Variants in WWOX observed in about 807,000 individuals in gnomAD.
The protein encoded by WWOX is WW domain containing oxidoreductase, also known as WW domain-containing oxidoreductase.
In WWOX, 69 loss-of-function variants were observed where a neutral mutation model predicts 46.2. The ratio of observed to expected loss-of-function variants is 1.49; its 90% CI spans 1.23 to 1.82. The LOEUF is 1.82. Ranked by LOEUF, WWOX falls within the 40% of genes most tolerant of loss-of-function variation. The probability of loss-of-function intolerance (pLI) is 0.00; values close to 1 mark genes in which losing one functional copy is unlikely to be tolerated. For missense variants in WWOX, 919 were observed against 542.6 expected, an observed-to-expected ratio of 1.69 and a Z score of -6.89; for synonymous variants, 359 against 202.6, an observed-to-expected ratio of 1.77 and a Z score of -6.56.
rs1014131827 is a variant in WWOX at position 78,256,428 on chromosome 16, A to G, written c.516+92139A>G. Among the ~76,000 whole-genome samples, 2 of 151,908 alleles carry G rather than the reference A, an allele frequency of 1.3e-5. 1 individual carries two copies. Among genetic ancestry groups the G allele is most frequent in the Admixed American group, 1.3e-4 (2 of 15,268 alleles). ...TCTTGAGAACTTGACTCTTAAATTC[A>G]TTGGTGAGAAAGGAAATTTTTGCTC... On this transcript the variant is annotated intron_variant, in intron 5 of 8. Transcript: ENST00000566780.
intron 5 of WWOX, among the ~76,000 whole-genome samples, chr16:78,246,264 C>T (rs1326489119): frequency 1.3e-5 from 2 of 152,136 alleles, no homozygotes; most frequent in Non-Finnish European, 2.9e-5. Context: ...TACCGTGAAA[C>T]CAAAGAGCTG....
At chr16:78,803,649 T>A (rs6564591) in intron 8 of WWOX, among the ~76,000 whole-genome samples, 120,227 of 151,796 alleles carry the variant, frequency 0.79, 47,983 homozygotes, top group Middle Eastern at 0.87. Flanking sequence ...TGTAGAGATG[T>A]GGTCTCCCTA....
intron 8 of WWOX, among the ~76,000 whole-genome samples, chr16:78,493,835 C>A (rs2084845786): frequency 6.6e-6 from 1 of 152,168 alleles, no homozygotes; most frequent in Admixed American, 6.5e-5. Flanking sequence ...TGTTCTTACC[C>A]ACTGCATGAT....
intron 8 of WWOX, among the ~76,000 whole-genome samples, chr16:78,723,554 CTTCTTTTCTTTTCTTTTCTT>C (rs55748059): frequency 0.019 from 2,087 of 108,326 alleles, 48 homozygotes; most frequent in East Asian, 0.023. Flanking sequence ...GATTCCCAGC[CTTCTTTTCTTTTCTTTTCTT>C]TTCTTTTCTT....
At chr16:78,934,051 C>G (rs1049531204) in intron 8 of WWOX, among the ~76,000 whole-genome samples, 1 of 151,820 alleles carries the variant, frequency 6.6e-6, no homozygotes, top group African/African-American at 2.4e-5. Flanking sequence ...GAAACTTAGC[C>G]GGGGCCGGGC....
intron 8 of WWOX, among the ~76,000 whole-genome samples, chr16:78,581,269 G>C (rs1797126326): frequency 6.6e-6 from 1 of 152,178 alleles, no homozygotes; most frequent in East Asian, 1.9e-4. Flanking sequence ...AGGGTCTTGA[G>C]CATGTGGCTA....
At chr16:78,930,289 T>TTC (rs2045595476) in intron 8 of WWOX, among the ~76,000 whole-genome samples, 1 of 130,830 alleles carries the variant, frequency 7.6e-6, no homozygotes, top group African/African-American at 3.7e-5. Context: ...CTTTTTTTAT[T>TTC]TTTTTTTTCA....
chr16:79,196,945 T>C (rs1390550430), intron 8 of WWOX, among the ~76,000 whole-genome samples: 1 of 152,156 alleles, frequency 6.6e-6, no homozygotes, highest in Non-Finnish European at 1.5e-5. Flanking sequence ...AACTTCAGTC[T>C]CCTCATCTCT....
chr16:78,791,378 C>G (rs1245147444), intron 8 of WWOX, among the ~76,000 whole-genome samples: 1 of 152,142 alleles, frequency 6.6e-6, no homozygotes, highest in African/African-American at 2.4e-5. Flanking sequence ...CAGGAGCAGC[C>G]GATCTGAGAC....
chr16:78,510,355 A>G (rs1042736706), intron 8 of WWOX, among the ~76,000 whole-genome samples: 2 of 151,968 alleles, frequency 1.3e-5, no homozygotes, highest in African/African-American at 4.8e-5. Context: ...ATAGACACCC[A>G]CCACCATGCA....
intron 8 of WWOX, among the ~76,000 whole-genome samples, chr16:78,838,771 AG>A (rs758637288): frequency 6.6e-6 from 1 of 152,286 alleles, no homozygotes; most frequent in Non-Finnish European, 1.5e-5. Context: ...TGAACCCGGG[AG>A]TCAGAGGTTG....
chr16:78,986,317 A>G (rs2046783710), intron 8 of WWOX, among the ~76,000 whole-genome samples: 1 of 152,202 alleles, frequency 6.6e-6, no homozygotes, highest in Non-Finnish European at 1.5e-5. Context: ...TTTGAAAGTC[A>G]CCTAGAGGAT....
At chr16:79,154,927 A>G (rs969359544) in intron 8 of WWOX, among the ~76,000 whole-genome samples, 5 of 152,226 alleles carry the variant, frequency 3.3e-5, no homozygotes, top group African/African-American at 9.6e-5. Flanking sequence ...AAAGAAAGAA[A>G]GAAGAGGAAG....
chr16:78,217,415 G>C (rs532844086), intron 5 of WWOX, among the ~76,000 whole-genome samples: 38 of 152,322 alleles, frequency 2.5e-4, no homozygotes, highest in African/African-American at 7.9e-4. Context: ...AATAGCCTTT[G>C]TGTGATGTGA....
At chr16:78,786,927 C>T (rs1597608545) in intron 8 of WWOX, among the ~76,000 whole-genome samples, 1 of 152,184 alleles carries the variant, frequency 6.6e-6, no homozygotes, top group Non-Finnish European at 1.5e-5. Context: ...GTGGGTGGAT[C>T]ACTTGGGGTG....
chr16:79,069,318 C>T (rs1173264676), intron 8 of WWOX, among the ~76,000 whole-genome samples: 1 of 152,202 alleles, frequency 6.6e-6, no homozygotes, highest in African/African-American at 2.4e-5. Context: ...CATTAATCAC[C>T]ACCAAGCCAA....
chr16:78,785,817 C>T (rs12926542), intron 8 of WWOX, among the ~76,000 whole-genome samples: 101,187 of 151,910 alleles, frequency 0.67, 33,899 homozygotes, highest in African/African-American at 0.69. Context: ...TTTAAAATAC[C>T]AAAAAATATT....
chr16:78,414,532 A>G (rs551691467), intron 6 of WWOX, among the ~76,000 whole-genome samples: 3 of 152,300 alleles, frequency 2.0e-5, no homozygotes, highest in Middle Eastern at 3.4e-3. Flanking sequence ...GCGCCACTGC[A>G]CTCCAGCCTG....
intron 8 of WWOX, among the ~76,000 whole-genome samples, chr16:79,015,488 C>G (rs7187460): frequency 0.034 from 5,147 of 152,164 alleles, 303 homozygotes; most frequent in African/African-American, 0.12. Context: ...GCTCAATAAA[C>G]TATAACGTCT....
Sources: gnomAD v4.1 joint callset for allele counts (sites outside exome capture counted in the v4.1 genomes callset) on GRCh38, gnomAD v4.1.1 for gene constraint, MANE v1.5 for transcripts, NCBI Gene and HGNC (gene_info 2026-07-23, HGNC 2026-07-21) for gene names.